Variants in CKMT2 observed in about 807,000 individuals in gnomAD.
CKMT2 encodes creatine kinase S-type, mitochondrial.
A neutral mutation model predicts 48.9 loss-of-function variants in CKMT2; 43 were observed. The ratio of observed to expected loss-of-function variants is 0.88; its 90% CI spans 0.69 to 1.13. The LOEUF (loss-of-function observed/expected upper bound fraction) is 1.13, where lower values mean the gene tolerates loss of function less well. Ranked by LOEUF, CKMT2 falls within the 50% of genes most tolerant of loss-of-function variation. CKMT2 has a pLI of 0.00. For missense variants in CKMT2, 472 were observed against 555.4 expected, an observed-to-expected ratio of 0.85 and a Z score of 1.51; for synonymous variants, 206 against 213.0, an observed-to-expected ratio of 0.97 and a Z score of 0.29.
At chr5:81,253,496 C>T (rs1756893283) in intron 3 of CKMT2, among the ~76,000 whole-genome samples, 1 of 152,226 alleles carries the variant, frequency 6.6e-6, no homozygotes, top group African/African-American at 2.4e-5. Flanking sequence ...GTCCCCTCCA[C>T]AGAGCAGCCT....
chr5:81,249,424 T>C lies in CKMT2; in HGVS notation c.-20-1689T>C, dbSNP rs1020542558. 3.3e-5 allele frequency among the ~76,000 whole-genome samples: 5 copies of C among 152,306 alleles called. No homozygotes were observed. The East Asian group carries it at 9.7e-4, about 29-fold the overall frequency. On this transcript the variant is annotated intron_variant, in intron 1 of 9. Transcript: ENST00000254035. ...GCATTATGGAGATCAAATAGAGTAC[T>C]GAGAACTACGTACTCTTTTGTTCTC...
chr5:81,241,112 A>G (rs1756419805), intron 1 of CKMT2, among the ~76,000 whole-genome samples: 1 of 152,192 alleles, frequency 6.6e-6, no homozygotes, highest in Non-Finnish European at 1.5e-5. Flanking sequence ...GTCCCTCTGA[A>G]GTAAAGGATG....
intron 9 of CKMT2, 96 bp from the exon 10 acceptor site, chr5:81,266,043 T>G: frequency 9.4e-7 from 1 of 1,069,416 alleles, no homozygotes; most frequent in South Asian, 1.7e-5. Context: ...TCCATCTAAG[T>G]GGCAAGTTCT....
At chr5:81,255,489 A>T (rs949625232) in intron 5 of CKMT2, among the ~76,000 whole-genome samples, 8 of 152,252 alleles carry the variant, frequency 5.3e-5, no homozygotes, top group Middle Eastern at 3.2e-3. Flanking sequence ...GAGGGTGGAG[A>T]TGAATGGAGG....
intron 1 of CKMT2, among the ~76,000 whole-genome samples, chr5:81,247,765 A>G (rs1474947228): frequency 1.3e-5 from 2 of 152,180 alleles, no homozygotes; most frequent in Non-Finnish European, 2.9e-5. Context: ...CGAGACAAAA[A>G]CAGAGTCAAG....
chr5:81,263,369 TATTA>T (rs1433138922), intron 8 of CKMT2, 118 bp from the exon 9 acceptor site: 7 of 233,722 alleles, frequency 3.0e-5, no homozygotes, highest in African/African-American at 4.7e-5. Context: ...TATATATATT[TATTA>T]TATATATAAA....
chr5:81,233,599 A>T (rs1756169968), intron 1 of CKMT2, among the ~76,000 whole-genome samples: 2 of 152,196 alleles, frequency 1.3e-5, no homozygotes, highest in Non-Finnish European at 1.5e-5. Flanking sequence ...GCTCAGCACC[A>T]GGAGCAGAAC....
At chr5:81,261,637 G>A (rs7718501) in intron 8 of CKMT2, among the ~76,000 whole-genome samples, 76,483 of 151,928 alleles carry the variant, frequency 0.5, 20,377 homozygotes, top group African/African-American at 0.66. Flanking sequence ...TACAACTTAC[G>A]AGGGATGTGA....
At chr5:81,250,976 C>CACACACACACACACACACACACACAG in intron 1 of CKMT2, 137 bp from the exon 2 acceptor site, 2 of 659,540 alleles carry the variant, frequency 3.0e-6, no homozygotes, top group African/African-American at 1.9e-5. Context: ...CACACACACA[C>CACACACACACACACACACACACACAG]ACAGAAAGAG....
intron 8 of CKMT2, among the ~76,000 whole-genome samples, chr5:81,262,132 A>G (rs920420133): frequency 6.6e-6 from 1 of 152,220 alleles, no homozygotes; most frequent in South Asian, 2.1e-4. Context: ...AAAACTGGCT[A>G]GCCATATGCA....
intron 1 of CKMT2, among the ~76,000 whole-genome samples, chr5:81,241,179 C>T (rs748144538): frequency 9.9e-5 from 15 of 152,134 alleles, no homozygotes; most frequent in Non-Finnish European, 2.1e-4. Flanking sequence ...GATTGTCCAC[C>T]CGACTGGAGC....
Position 81,263,598 on chromosome 5 carries a change from T to C in CKMT2, c.1122T>C (p.Asp374=), listed in dbSNP as rs1329926393. The change falls in exon 9 of 10, where the codon GAT becomes GAC. Residue 374 remains aspartate, a synonymous_variant. Coordinates refer to ENST00000254035, the MANE Select transcript of CKMT2 (RefSeq NM_001099735.2). ...ATGTGTACGACATTTCCAACATAGA[T>C]AGAATTGGTCGATCAGAGGTAACGT... ...VADVYDISNI[D]RIGRSEVELV... 6.2e-6 allele frequency: 10 copies of C among 1,611,910 alleles called. No homozygotes were observed. The highest frequency in any genetic ancestry group is 8.5e-6 in the Non-Finnish European group (10 of 1,178,772).
intron 1 of CKMT2, chr5:81,245,088 T>C (rs1319158555): frequency 1.3e-5 from 2 of 151,884 alleles, no homozygotes; most frequent in Non-Finnish European, 2.9e-5. Flanking sequence ...GATCAAGGAG[T>C]CAAATGCCTG....
intron 1 of CKMT2, among the ~76,000 whole-genome samples, chr5:81,243,832 G>C (rs1205349288): frequency 1.3e-5 from 2 of 152,124 alleles, no homozygotes; most frequent in East Asian, 3.9e-4. Context: ...TGGGATTACA[G>C]GCGCGTGCTA....
intron 9 of CKMT2, 45 bp from the exon 10 acceptor site, chr5:81,266,094 G>T: frequency 6.3e-7 from 1 of 1,596,152 alleles, no homozygotes; most frequent in Non-Finnish European, 8.6e-7. Context: ...ATGCCCTGCA[G>T]ATGCTTCTAT....
intron 6 of CKMT2, among the ~76,000 whole-genome samples, chr5:81,257,449 A>C (rs959765065): frequency 1.3e-5 from 2 of 152,242 alleles, no homozygotes; most frequent in Non-Finnish European, 2.9e-5. Flanking sequence ...GCCAAATGTT[A>C]TATAGTTGAA....
At chr5:81,244,848 T>G (rs955568080) in intron 1 of CKMT2, 1 of 62,504 alleles carries the variant, frequency 1.6e-5, no homozygotes, top group Non-Finnish European at 3.0e-5. Context: ...CCCCTCACTA[T>G]TTTTTTTTTT....
chr5:81,233,502 C>A, intron 1 of CKMT2, 125 bp downstream of exon 1: 2 of 665,214 alleles, frequency 3.0e-6, no homozygotes, highest in Non-Finnish European at 3.7e-6. Flanking sequence ...ACGCTGACTG[C>A]GAGGAGGCAA....
chr5:81,266,134 C>CAAAGGTTGAGCTTGTTCA lies in CKMT2; in HGVS notation c.1141-4_1154dup. On this transcript the variant is annotated splice_region_variant and splice_polypyrimidine_tract_variant and intron_variant, in intron 9 of 9. Transcript: ENST00000254035. ...ATTAATCATTCATCTTCTTCACTGT[C>CAAAGGTTGAGCTTGTTCA]AAAGGTTGAGCTTGTTCAGATAGTC... is the stretch of plus-strand genomic sequence containing the variant. 6.2e-7 allele frequency: 1 copy of CAAAGGTTGAGCTTGTTCA among 1,611,534 alleles called. No individual in the cohort carries two copies. Among genetic ancestry groups the CAAAGGTTGAGCTTGTTCA allele is most frequent in the Middle Eastern group, 1.7e-4 (1 of 6,046 alleles).
Sources: gnomAD v4.1 joint callset for allele counts (sites outside exome capture counted in the v4.1 genomes callset) on GRCh38, gnomAD v4.1.1 for gene constraint, MANE v1.5 for transcripts, NCBI Gene and HGNC (gene_info 2026-07-23, HGNC 2026-07-21) for gene names.